Variants in RLF observed in about 807,000 individuals in gnomAD.
RLF encodes RLF zinc finger.
Under a neutral mutation model 162.9 loss-of-function variants are expected in RLF, and 7 were observed. The observed-to-expected ratio is 0.04, with a 90% confidence interval of 0.02 to 0.08. The LOEUF (loss-of-function observed/expected upper bound fraction) is 0.08. RLF is among the 10% of genes least tolerant of loss of function. The pLI is 1.00. For missense variants in RLF, 1,664 were observed against 2,244.7 expected, an observed-to-expected ratio of 0.74 and a Z score of 5.23; for synonymous variants, 782 against 791.5, an observed-to-expected ratio of 0.99 and a Z score of 0.20.
chr1:40,233,365 C>T (rs1643176689), intron 7 of RLF, among the ~76,000 whole-genome samples: 1 of 152,266 alleles, frequency 6.6e-6, no homozygotes, highest in Non-Finnish European at 1.5e-5. Flanking sequence ...GTTACCATCC[C>T]AGCCAGATTA....
intron 5 of RLF, among the ~76,000 whole-genome samples, chr1:40,220,807 GAGCCAT>G (rs1440762013): frequency 6.6e-6 from 1 of 152,016 alleles, no homozygotes; most frequent in Non-Finnish European, 1.5e-5. Flanking sequence ...TCTAGCTGGA[GAGCCAT>G]AGTGAAAGTG....
At chr1:40,231,907 C>G (rs1345302775) in intron 7 of RLF, among the ~76,000 whole-genome samples, 1 of 152,080 alleles carries the variant, frequency 6.6e-6, no homozygotes, top group South Asian at 2.1e-4. Flanking sequence ...TCTCCTGTCA[C>G]GTTAAGAACA....
intron 6 of RLF, among the ~76,000 whole-genome samples, chr1:40,230,871 TGA>T (rs1643144337): frequency 2.6e-5 from 4 of 152,258 alleles, no homozygotes; most frequent in African/African-American, 4.8e-5. Flanking sequence ...CTTTTTTGCG[TGA>T]GTGTTTTACC....
intron 5 of RLF, among the ~76,000 whole-genome samples, chr1:40,215,324 T>G (rs1257500903): frequency 6.6e-6 from 1 of 152,180 alleles, no homozygotes; most frequent in Non-Finnish European, 1.5e-5. Context: ...CAACAGCAGC[T>G]AAATATACAT....
Position 40,189,075 on chromosome 1 carries a change from C to G in RLF, c.258C>G (p.Ser86Arg). 1 of 1,600,966 alleles carries G rather than the reference C, an allele frequency of 6.2e-7. No homozygotes were observed. The highest frequency in any genetic ancestry group is 1.7e-4 in the Middle Eastern group (1 of 6,022). The stretch of plus-strand genomic sequence containing the variant: ...TGTAGACCTTATTGCAATATGCAAG[C>G]AACAAGAATGCATCAGAACATATTG... ...SFCQTLLQYA[S>R]NKNASEHIVY... Residue 86 changes from serine (S) to arginine (R), a missense_variant, in exon 2 of 8, where the codon AGC becomes AGG. Physicochemically the swap from Ser to Arg is moderately radical, Grantham distance 110. Transcript: ENST00000372771.
chr1:40,209,930 A>G (rs1642845856), intron 5 of RLF, among the ~76,000 whole-genome samples: 1 of 151,968 alleles, frequency 6.6e-6, no homozygotes, highest in South Asian at 2.1e-4. Context: ...CCTGTATGCT[A>G]ATTTATTTAT....
intron 1 of RLF, among the ~76,000 whole-genome samples, chr1:40,163,610 C>T (rs1289256161): frequency 6.6e-6 from 1 of 151,856 alleles, no homozygotes; most frequent in Non-Finnish European, 1.5e-5. Flanking sequence ...TTTTTTTTAA[C>T]CTAAAATTTT....
chr1:40,221,047 G>A (rs771609990), intron 5 of RLF, among the ~76,000 whole-genome samples: 5 of 151,242 alleles, frequency 3.3e-5, no homozygotes, highest in African/African-American at 7.3e-5. Context: ...CAGGAGGATC[G>A]CTTGAGCCCA....
At chr1:40,183,534 A>C (rs1642434299) in intron 1 of RLF, among the ~76,000 whole-genome samples, 1 of 152,166 alleles carries the variant, frequency 6.6e-6, no homozygotes, top group Admixed American at 6.5e-5. Context: ...CCATGACACA[A>C]CTTGCTACAA....
At chr1:40,210,714 C>T (rs374330161) in intron 5 of RLF, among the ~76,000 whole-genome samples, 6 of 152,150 alleles carry the variant, frequency 3.9e-5, no homozygotes, top group Non-Finnish European at 7.4e-5. Flanking sequence ...ACTTGCTGAC[C>T]GGGCAAAAAC....
Position 40,236,783 on chromosome 1 carries a change from C to T in RLF, c.2081C>T (p.Ala694Val). 1 of 1,614,066 alleles carries T rather than the reference C, an allele frequency of 6.2e-7. No individual in the cohort carries two copies. Among genetic ancestry groups the T allele is most frequent in the Non-Finnish European group, 8.5e-7 (1 of 1,179,978 alleles). ...AAATACTTAAGTGTGCATCTTAAAGCTGAACACCAAAATAATGATGAAAAT... is the reference window on the plus strand; with the variant it reads ...AAATACTTAAGTGTGCATCTTAAAGTTGAACACCAAAATAATGATGAAAAT... ...QFKYLSVHLK[A>V]EHQNNDENAK... The change falls in exon 8 of 8, where the codon GCT (alanine) becomes GTT (valine). Residue 694 changes from alanine (A) to valine (V), a missense_variant. Physicochemically the swap from Ala to Val is moderately conservative, Grantham distance 64. This residue lies in a region of RLF where 69 missense variants were observed against 206.4 expected (regional missense o/e 0.33). Coordinates refer to ENST00000372771, the MANE Select transcript of RLF (RefSeq NM_012421.4). This position sits in a 1 kb window ranked among gnomAD's most constrained non-coding sequence, Gnocchi z 7.7.
At chr1:40,228,287 A>G (rs141216954) in intron 6 of RLF, among the ~76,000 whole-genome samples, 3,167 of 147,264 alleles carry the variant, frequency 0.022, 47 homozygotes, top group Non-Finnish European at 0.035. Flanking sequence ...CTCCATCTCA[A>G]AAAAAAAAAA....
rs371567420 is a variant in RLF at position 40,183,779 on chromosome 1, G to A, written c.238-5276G>A. ...AATTCCCAAAAGACAACTTGACAGT[G>A]GCTCCTCATTTTTGAAATGGGCTGA... On this transcript the variant is annotated intron_variant, in intron 1 of 7. Transcript: ENST00000372771. Among the ~76,000 whole-genome samples the A allele has an allele frequency of 2.7e-4, 41 of 152,060 alleles. 1 individual carries two copies. The South Asian group carries it at 7.7e-3, about 29-fold the overall frequency.
rs769379758 is a variant in RLF at position 40,185,517 on chromosome 1, T to TAAAAA, written c.238-3516_238-3512dup. ...TAATCCTTTCAACCTAATCTTGCATTAAAAAAAAAAAAAAAAAAAAAAAAA... is the reference window on the plus strand; with the variant it reads ...TAATCCTTTCAACCTAATCTTGCATTAAAAAAAAAAAAAAAAAAAAAAAAAAAAAA... On this transcript the variant is annotated intron_variant, in intron 1 of 7. Transcript: ENST00000372771. Among the ~76,000 whole-genome samples, 13 of 23,746 alleles carry TAAAAA rather than the reference T, an allele frequency of 5.5e-4. 4 individuals carry two copies. The highest frequency in any genetic ancestry group is 8.6e-4 in the Non-Finnish European group (12 of 14,004). The allele number at this position is 23,746 out of a possible 152,430, so 15.6% of individuals were successfully genotyped here.
Position 40,189,104 on chromosome 1 carries a change from A to C in RLF, c.287A>C (p.Tyr96Ser), listed in dbSNP as rs1276954438. ...SNKNASEHIVYLLEVYRLAIQ... is the reference protein window; with the variant it reads ...SNKNASEHIVSLLEVYRLAIQ... Reference sequence around the variant, plus strand: ...AAGAATGCATCAGAACATATTGTGTATCTTCTGGAGGTATATCGACTTGCC... The same window carrying C: ...AAGAATGCATCAGAACATATTGTGTCTCTTCTGGAGGTATATCGACTTGCC... Residue 96 changes from tyrosine (Y) to serine (S), a missense_variant, in exon 2 of 8, where the codon TAT becomes TCT. This residue lies in a region of RLF where 287 missense variants were observed against 404.9 expected (regional missense o/e 0.71). Transcript: ENST00000372771. 1 of 1,613,042 alleles carries C rather than the reference A, an allele frequency of 6.2e-7. No individual in the cohort carries two copies. The highest frequency in any genetic ancestry group is 8.5e-7 in the Non-Finnish European group (1 of 1,179,244).
Position 40,240,040 on chromosome 1 carries a change from A to G in RLF, c.5338A>G (p.Ser1780Gly). ...TTCATTTCTGAAATTTATTCAGGAA[A>G]GTGAAGAGAAAGAAGATGATTTTGA... ...ESSFLKFIQE[S>G]EEKEDDFDDW... Residue 1780 changes from serine to glycine, a missense_variant, in exon 8 of 8, where the codon AGT (serine) becomes GGT (glycine). This residue lies in a region of RLF where 327 missense variants were observed against 342.7 expected (regional missense o/e 0.95). Coordinates refer to ENST00000372771, the MANE Select transcript of RLF (RefSeq NM_012421.4). The G allele has an allele frequency of 1.9e-6, 3 of 1,614,168 alleles. No homozygotes were observed. The highest frequency in any genetic ancestry group is 1.7e-6 in the Non-Finnish European group (2 of 1,180,020).
chr1:40,212,087 A>G (rs1642872397), intron 5 of RLF, among the ~76,000 whole-genome samples: 1 of 152,274 alleles, frequency 6.6e-6, no homozygotes, highest in Admixed American at 6.5e-5. Flanking sequence ...AGAGTTACAC[A>G]CATATTTGCC....
At chr1:40,172,731 A>G (rs1384707872) in intron 1 of RLF, among the ~76,000 whole-genome samples, 1 of 152,160 alleles carries the variant, frequency 6.6e-6, no homozygotes, top group Non-Finnish European at 1.5e-5. Context: ...GCGTCACTGC[A>G]CTCTATCCTG....
intron 3 of RLF, among the ~76,000 whole-genome samples, chr1:40,194,623 A>G (rs972216357): frequency 2.8e-4 from 42 of 151,658 alleles, no homozygotes; most frequent in African/African-American, 9.7e-4. Flanking sequence ...AAAATAAATC[A>G]GCCTCCACCA....
Sources: allele counts gnomAD v4.1 joint callset (sites outside exome capture counted in the v4.1 genomes callset), GRCh38; gene constraint gnomAD v4.1.1; regional missense constraint gnomAD v4.1.1; non-coding constraint Gnocchi (gnomAD v3.1); transcripts MANE v1.5; gene names NCBI Gene and HGNC (gene_info 2026-07-23, HGNC 2026-07-21).